SPATA16: variants seen among roughly 807,000 people sequenced by gnomAD.
The protein encoded by SPATA16 is spermatogenesis associated 16.
A neutral mutation model predicts 63.3 loss-of-function variants in SPATA16; 36 were observed. The observed-to-expected ratio is 0.57, with a 90% confidence interval of 0.44 to 0.75. The LOEUF is 0.75. Among genes scored for constraint, SPATA16 ranks in the 30% least tolerant of loss-of-function variants. SPATA16 has a pLI of 0.00. For synonymous variants in SPATA16, 203 were observed against 216.7 expected, an observed-to-expected ratio of 0.94 and a Z score of 0.56; for missense variants, 646 against 679.3, an observed-to-expected ratio of 0.95 and a Z score of 0.54.
At chr3:172,982,986 G>C (rs1734356680) in intron 4 of SPATA16, among the ~76,000 whole-genome samples, 1 of 152,184 alleles carries the variant, frequency 6.6e-6, no homozygotes, top group South Asian at 2.1e-4. Flanking sequence ...GGGCTGACTG[G>C]CTGAGACCTT....
At chr3:172,964,468 T>C (rs973470481) in intron 5 of SPATA16, among the ~76,000 whole-genome samples, 2 of 152,204 alleles carry the variant, frequency 1.3e-5, no homozygotes, top group African/African-American at 4.8e-5. Flanking sequence ...TTATTCTTGA[T>C]GACTTAAAAT....
At chr3:173,006,878 G>A (rs1734957259) in intron 4 of SPATA16, among the ~76,000 whole-genome samples, 2 of 151,682 alleles carry the variant, frequency 1.3e-5, no homozygotes, top group African/African-American at 4.8e-5. Flanking sequence ...CTGCTGCTTG[G>A]CAAAAATGGA....
intron 2 of SPATA16, among the ~76,000 whole-genome samples, chr3:173,064,367 C>T (rs1173828423): frequency 6.9e-6 from 1 of 145,734 alleles, no homozygotes; most frequent in African/African-American, 2.7e-5. Flanking sequence ...AACCAATAAT[C>T]CTCAAGTTCA....
intron 2 of SPATA16, among the ~76,000 whole-genome samples, chr3:173,088,766 C>T (rs1430526115): frequency 6.6e-6 from 1 of 152,168 alleles, no homozygotes; most frequent in African/African-American, 2.4e-5. Flanking sequence ...AAAGTGCCTT[C>T]CCATAGGCAA....
chr3:172,979,662 G>T (rs183287895), intron 4 of SPATA16, among the ~76,000 whole-genome samples: 107 of 152,146 alleles, frequency 7.0e-4, no homozygotes, highest in African/African-American at 2.5e-3. Context: ...TGCTTTTTCT[G>T]TAATAATATA....
At chr3:172,976,423 G>A (rs183620092) in intron 5 of SPATA16, among the ~76,000 whole-genome samples, 82 of 152,072 alleles carry the variant, frequency 5.4e-4, no homozygotes, top group African/African-American at 1.7e-3. Flanking sequence ...CTTCTTATAC[G>A]TTTAAGAAAT....
At chr3:172,945,298 T>C (rs749405871) in intron 6 of SPATA16, among the ~76,000 whole-genome samples, 1 of 152,030 alleles carries the variant, frequency 6.6e-6, no homozygotes, top group African/African-American at 2.4e-5. Context: ...AAAAAGTAGA[T>C]TTTTCTAAGA....
chr3:172,986,092 T>G (rs1277618320), intron 4 of SPATA16, among the ~76,000 whole-genome samples: 1 of 152,194 alleles, frequency 6.6e-6, no homozygotes, highest in Non-Finnish European at 1.5e-5. Context: ...CAGGGTTATC[T>G]GTATTTTGCT....
intron 6 of SPATA16, among the ~76,000 whole-genome samples, chr3:172,938,630 A>G (rs1236891138): frequency 6.6e-6 from 1 of 152,152 alleles, no homozygotes. Flanking sequence ...AAATATCTTG[A>G]GTTTCTTCAA....
Position 172,889,393 on chromosome 3 carries a change from G to T in SPATA16, c.*177C>A. 6.8e-6 allele frequency: 6 copies of T among 883,856 alleles called. No homozygotes were observed. The highest frequency in any genetic ancestry group is 6.1e-5 in the South Asian group (4 of 65,506). The allele number at this position is 883,856 out of a possible 1,614,324, so 54.8% of individuals were successfully genotyped here. A position where few individuals can be genotyped will look rare whatever the true frequency, so the allele number is the denominator to read the frequency against. ...TTGCTGAGAATATTTATTGCTGCCA[G>T]TTGAGATTAATGAAACATAGAGTGT... is the stretch of plus-strand genomic sequence containing the variant. On this transcript the variant is annotated 3_prime_UTR_variant, in exon 11 of 11. Coordinates refer to ENST00000351008, the MANE Select transcript of SPATA16 (RefSeq NM_031955.6).
At chr3:172,984,348 T>C (rs1263990017) in intron 4 of SPATA16, among the ~76,000 whole-genome samples, 1 of 152,224 alleles carries the variant, frequency 6.6e-6, no homozygotes, top group Non-Finnish European at 1.5e-5. Context: ...AAATTTTTAA[T>C]AAACACTTTG....
chr3:173,015,861 G>GGTGT lies in SPATA16; in HGVS notation c.848+3621_848+3624dup, dbSNP rs57049586. Among the ~76,000 whole-genome samples, 885 of 148,832 alleles carry GGTGT rather than the reference G, an allele frequency of 5.9e-3. 2 individuals carry two copies. Among genetic ancestry groups the GGTGT allele is most frequent in the Non-Finnish European group, 7.0e-3 (471 of 66,826 alleles). Reference sequence around the variant, plus strand: ...TTCTCATGAAGGTAGTCCCAAATGGGGTGTGTGTGTGTGTGTGTGTGTGTG... The same window carrying GGTGT: ...TTCTCATGAAGGTAGTCCCAAATGGGGTGTGTGTGTGTGTGTGTGTGTGTGTGTG... On this transcript the variant is annotated intron_variant, in intron 4 of 10. Coordinates refer to ENST00000351008, the MANE Select transcript of SPATA16 (RefSeq NM_031955.6).
At chr3:172,936,073 A>G (rs186399461) in intron 6 of SPATA16, among the ~76,000 whole-genome samples, 12 of 152,314 alleles carry the variant, frequency 7.9e-5, no homozygotes, top group Admixed American at 5.9e-4. Flanking sequence ...GGTATCATAG[A>G]AAGATATTTG....
intron 4 of SPATA16, among the ~76,000 whole-genome samples, chr3:172,992,698 C>T (rs1734607039): frequency 6.6e-6 from 1 of 152,122 alleles, no homozygotes; most frequent in African/African-American, 2.4e-5. Context: ...TGAGCAGCTA[C>T]TACTGCCCTG....
intron 2 of SPATA16, among the ~76,000 whole-genome samples, chr3:173,057,949 A>G (rs1212209831): frequency 6.6e-6 from 1 of 152,192 alleles, no homozygotes; most frequent in East Asian, 1.9e-4. Context: ...CTAGTTCTTC[A>G]TGACAGATAG....
chr3:172,891,334 CTGAG>C (rs1731890694), intron 10 of SPATA16, among the ~76,000 whole-genome samples: 1 of 152,084 alleles, frequency 6.6e-6, no homozygotes, highest in African/African-American at 2.4e-5. Context: ...AAGAGCAGTA[CTGAG>C]TAATGGGGTT....
chr3:173,120,883 A>T (rs1344588564), intron 1 of SPATA16, among the ~76,000 whole-genome samples: 3 of 152,110 alleles, frequency 2.0e-5, no homozygotes, highest in Non-Finnish European at 1.5e-5. Flanking sequence ...TAGTCTTTAA[A>T]CTGCTCTATA....
chr3:173,062,306 T>C (rs480265), intron 2 of SPATA16, among the ~76,000 whole-genome samples: 1 of 152,222 alleles, frequency 6.6e-6, no homozygotes, highest in African/African-American at 2.4e-5. Context: ...CCTTGCCTTG[T>C]GTTTTAACTC....
At chr3:173,097,627 A>G (rs903361788) in intron 2 of SPATA16, among the ~76,000 whole-genome samples, 1 of 152,230 alleles carries the variant, frequency 6.6e-6, no homozygotes, top group Non-Finnish European at 1.5e-5. Context: ...GCAAGCATTG[A>G]CAAAGACTTT....
Sources: allele counts gnomAD v4.1 joint callset (sites outside exome capture counted in the v4.1 genomes callset), GRCh38; gene constraint gnomAD v4.1.1; transcripts MANE v1.5; gene names NCBI Gene and HGNC (gene_info 2026-07-23, HGNC 2026-07-21).